PHTF2: variants seen among roughly 807,000 people sequenced by gnomAD.
The protein encoded by PHTF2 is protein PHTF2.
A neutral mutation model predicts 101.2 loss-of-function variants in PHTF2; 60 were observed. The observed-to-expected ratio is 0.59, with a 90% confidence interval of 0.48 to 0.73. The LOEUF is 0.73. Ranked by LOEUF, PHTF2 falls within the 30% of genes least tolerant of loss-of-function variation. PHTF2 has a pLI of 0.00. For missense variants in PHTF2, 747 were observed against 908.7 expected (o/e 0.82, Z 2.29); for synonymous variants, 311 against 307.3 (o/e 1.01, Z -0.13).
At chr7:77,954,226 C>T (rs574966144) in intron 19 of PHTF2, among the ~76,000 whole-genome samples, 88 of 152,032 alleles carry the variant, frequency 5.8e-4, no homozygotes, top group African/African-American at 1.9e-3. Flanking sequence ...CTCTGCCTCC[C>T]GGGTTCAAGG....
exon 13 of PHTF2, chr7:77,937,795 C>T: frequency 5.2e-6 from 8 of 1,546,970 alleles, no homozygotes; most frequent in Non-Finnish European, 6.2e-6. Context: ...TGTAAGAAAG[C>T]AGACATGTCT....
chr7:77,874,409 A>T (rs1209875400), intron 3 of PHTF2, among the ~76,000 whole-genome samples: 1 of 152,156 alleles, frequency 6.6e-6, no homozygotes, highest in Non-Finnish European at 1.5e-5. Context: ...CTATATATAT[A>T]AAGGAGAGTT....
chr7:77,904,364 A>C (rs919979190), intron 7 of PHTF2, among the ~76,000 whole-genome samples: 3 of 152,216 alleles, frequency 2.0e-5, no homozygotes, highest in Admixed American at 6.5e-5. Context: ...ACTTTCTTGA[A>C]GAATCCTTTC....
intron 2 of PHTF2, among the ~76,000 whole-genome samples, chr7:77,847,420 G>T (rs1796390738): frequency 6.6e-6 from 1 of 152,132 alleles, no homozygotes. Flanking sequence ...ATTTGATTTT[G>T]TGACATTTAC....
chr7:77,855,703 C>G (rs1048110307), intron 3 of PHTF2, among the ~76,000 whole-genome samples: 1 of 152,178 alleles, frequency 6.6e-6, no homozygotes, highest in Admixed American at 6.5e-5. Context: ...TCTAAATGCT[C>G]CCTCCAGGGG....
intron 11 of PHTF2, among the ~76,000 whole-genome samples, chr7:77,926,890 G>A (rs888590860): frequency 1.3e-5 from 2 of 151,980 alleles, no homozygotes; most frequent in African/African-American, 4.8e-5. Flanking sequence ...CAGGGCCATG[G>A]CTCACCCCTG....
chr7:77,848,080 T>C (rs1225417373), intron 2 of PHTF2, among the ~76,000 whole-genome samples: 1 of 152,218 alleles, frequency 6.6e-6, no homozygotes, highest in Non-Finnish European at 1.5e-5. Context: ...ATTGTGTATA[T>C]GTACCAATTT....
At chr7:77,857,506 TA>T (rs1797284464) in intron 3 of PHTF2, among the ~76,000 whole-genome samples, 1 of 152,218 alleles carries the variant, frequency 6.6e-6, no homozygotes, top group Admixed American at 6.5e-5. Context: ...AGTATGTATA[TA>T]CAAACACGTA....
intron 2 of PHTF2, among the ~76,000 whole-genome samples, chr7:77,848,026 C>G (rs963783632): frequency 6.6e-6 from 1 of 152,162 alleles, no homozygotes; most frequent in African/African-American, 2.4e-5. Flanking sequence ...CATGTTGTTG[C>G]ACATGTCGGG....
intron 5 of PHTF2, among the ~76,000 whole-genome samples, chr7:77,898,579 C>T (rs1199585252): frequency 6.6e-6 from 1 of 152,060 alleles, no homozygotes; most frequent in Non-Finnish European, 1.5e-5. Context: ...AGATACAGCC[C>T]ATACTCATTA....
intron 3 of PHTF2, among the ~76,000 whole-genome samples, chr7:77,892,104 C>T (rs577781784): frequency 1.5e-4 from 23 of 152,220 alleles, no homozygotes; most frequent in African/African-American, 5.3e-4. Flanking sequence ...GGTGAAACAC[C>T]GTCTGTACTA....
chr7:77,903,984 T>C (rs963359084), intron 7 of PHTF2, among the ~76,000 whole-genome samples: 2 of 152,220 alleles, frequency 1.3e-5, no homozygotes, highest in Non-Finnish European at 2.9e-5. Context: ...TATTCTCAGC[T>C]CTATCCCCAT....
At chr7:77,868,919 A>G (rs948819280) in intron 3 of PHTF2, among the ~76,000 whole-genome samples, 1 of 152,158 alleles carries the variant, frequency 6.6e-6, no homozygotes, top group African/African-American at 2.4e-5. Context: ...ATTCCCTTTC[A>G]TTTTGGCTTG....
At chr7:77,926,821 A>T (rs957900655) in intron 11 of PHTF2, among the ~76,000 whole-genome samples, 4 of 151,636 alleles carry the variant, frequency 2.6e-5, no homozygotes, top group African/African-American at 7.3e-5. Flanking sequence ...AAAACAAAGT[A>T]CAAAATTTAG....
In PHTF2 at chr7:77,949,700, TC is replaced by T; in HGVS notation, c.1984del (p.Asp663IlefsTer9). 1 of 1,575,710 alleles carries T rather than the reference TC, an allele frequency of 6.3e-7. No homozygotes were observed. The highest frequency in any genetic ancestry group is 8.7e-7 in the Non-Finnish European group (1 of 1,154,722). Reference sequence around the variant, plus strand: ...TAGCTACTTCATGTACACGAGATCTTCCTTGATTGTCACTACAATTGGGAAT... The same window carrying T: ...TAGCTACTTCATGTACACGAGATCTTCTTGATTGTCACTACAATTGGGAAT... On this transcript the variant is annotated frameshift_variant, in exon 17 of 20. Coordinates refer to ENST00000416283, the Ensembl canonical transcript of PHTF2. LOFTEE classifies it high-confidence loss of function.
intron 3 of PHTF2, among the ~76,000 whole-genome samples, chr7:77,877,115 CTTTTTTTT>C (rs200021720): frequency 7.3e-6 from 1 of 137,252 alleles, no homozygotes; most frequent in Non-Finnish European, 1.6e-5. Context: ...TTTTCTCTCT[CTTTTTTTT>C]TTTTTTTTTT....
chr7:77,857,469 T>A (rs1458240910), intron 3 of PHTF2, among the ~76,000 whole-genome samples: 2 of 152,178 alleles, frequency 1.3e-5, no homozygotes, highest in Admixed American at 6.5e-5. Flanking sequence ...GGATTTTTTT[T>A]AAGAGCCCTG....
chr7:77,927,157 C>CA (rs869210694), intron 11 of PHTF2, among the ~76,000 whole-genome samples: 33 of 36,488 alleles, frequency 9.0e-4, no homozygotes, highest in African/African-American at 2.0e-3. Flanking sequence ...GACTCCATCT[C>CA]AAAAAAAAAA....
At chr7:77,929,402 T>A in intron 12 of PHTF2, 75 bp downstream of exon 11, 1 of 730,346 alleles carries the variant, frequency 1.4e-6, no homozygotes, top group Non-Finnish European at 2.3e-6. Context: ...GTTACAGAGG[T>A]GAAGAAAAAG....
Sources: gnomAD v4.1 joint callset for allele counts (sites outside exome capture counted in the v4.1 genomes callset) on GRCh38, gnomAD v4.1.1 for gene constraint, MANE v1.5 for transcripts, NCBI Gene and HGNC (gene_info 2026-07-23, HGNC 2026-07-21) for gene names.